Variants in SLC35F4 observed in about 807,000 individuals in gnomAD.
SLC35F4 encodes solute carrier family 35 member F4, also known as chromosome 14 open reading frame 36.
Under a neutral mutation model 44.2 loss-of-function variants are expected in SLC35F4, and 24 were observed. The observed-to-expected ratio is 0.54, with a 90% CI of 0.39 to 0.76. The LOEUF is 0.76. Among genes scored for constraint, SLC35F4 ranks in the 30% least tolerant of loss-of-function variants. SLC35F4 has a pLI of 0.00. For missense variants in SLC35F4, 562 were observed against 586.1 expected (o/e 0.96, Z 0.42); for synonymous variants, 238 against 223.6 (o/e 1.06, Z -0.57).
chr14:57,720,759 C>A (rs889820932), intron 1 of SLC35F4, among the ~76,000 whole-genome samples: 5 of 152,034 alleles, frequency 3.3e-5, no homozygotes, highest in Middle Eastern at 3.4e-3. Flanking sequence ...ATCTAATCAG[C>A]CGCCAGCATG....
chr14:57,575,478 C>G (rs1034703425), intron 4 of SLC35F4, among the ~76,000 whole-genome samples: 1 of 151,922 alleles, frequency 6.6e-6, no homozygotes, highest in Non-Finnish European at 1.5e-5. Context: ...TAGACCCTGT[C>G]TCAAAAACAA....
intron 1 of SLC35F4, among the ~76,000 whole-genome samples, chr14:57,705,999 C>A (rs941978335): frequency 6.6e-6 from 1 of 152,062 alleles, no homozygotes; most frequent in East Asian, 1.9e-4. Flanking sequence ...AAGAAGGCAC[C>A]TTTAACTAAA....
intron 1 of SLC35F4, among the ~76,000 whole-genome samples, chr14:57,799,867 A>T (rs1158300713): frequency 3.9e-5 from 6 of 152,058 alleles, no homozygotes; most frequent in Non-Finnish European, 8.8e-5. Context: ...TCTCCCTGAG[A>T]TGGAGCTCTG....
chr14:57,703,626 T>A (rs1238214579), intron 1 of SLC35F4, among the ~76,000 whole-genome samples: 1 of 152,184 alleles, frequency 6.6e-6, no homozygotes, highest in African/African-American at 2.4e-5. Flanking sequence ...TACAGCAACC[T>A]CATCCTTAAG....
chr14:57,729,253 G>T (rs1332958620), intron 1 of SLC35F4, among the ~76,000 whole-genome samples: 2 of 152,042 alleles, frequency 1.3e-5, no homozygotes, highest in Non-Finnish European at 2.9e-5. Flanking sequence ...CTGGTATTTG[G>T]AGTACAAGAC....
intron 1 of SLC35F4, among the ~76,000 whole-genome samples, chr14:57,690,729 T>C (rs1313396511): frequency 1.3e-5 from 2 of 151,824 alleles, no homozygotes; most frequent in Non-Finnish European, 2.9e-5. Flanking sequence ...TGGGAGACAC[T>C]GACAGATCAG....
intron 1 of SLC35F4, among the ~76,000 whole-genome samples, chr14:57,750,961 A>T (rs944244477): frequency 6.6e-6 from 1 of 152,168 alleles, no homozygotes; most frequent in African/African-American, 2.4e-5. Flanking sequence ...TCAGAATCTG[A>T]CATCCCTTGT....
intron 1 of SLC35F4, among the ~76,000 whole-genome samples, chr14:57,659,374 G>A (rs2074066483): frequency 6.6e-6 from 1 of 152,148 alleles, no homozygotes; most frequent in Non-Finnish European, 1.5e-5. Flanking sequence ...TGGCCCTGAG[G>A]TCTCAGCAGT....
chr14:57,850,088 C>G (rs1045576898), intron 1 of SLC35F4, among the ~76,000 whole-genome samples: 3 of 152,150 alleles, frequency 2.0e-5, no homozygotes, highest in African/African-American at 7.2e-5. Flanking sequence ...CAGCAAACAA[C>G]CAGATATCTC....
intron 1 of SLC35F4, among the ~76,000 whole-genome samples, chr14:57,933,039 CTTTT>C (rs565156783): frequency 7.3e-6 from 1 of 137,498 alleles, no homozygotes; most frequent in South Asian, 2.4e-4. Flanking sequence ...CTCCTATTTA[CTTTT>C]TTTTTTTTTT....
chr14:57,727,928 G>T (rs1052334754), intron 1 of SLC35F4, among the ~76,000 whole-genome samples: 1 of 152,174 alleles, frequency 6.6e-6, no homozygotes, highest in Non-Finnish European at 1.5e-5. Flanking sequence ...TAAGTCCAAT[G>T]TTTCTTGGTT....
At chr14:57,882,308 A>T (rs55730404) in intron 1 of SLC35F4, among the ~76,000 whole-genome samples, 12,533 of 152,170 alleles carry the variant, frequency 0.082, 746 homozygotes, top group African/African-American at 0.17. Context: ...CATTTTCAGA[A>T]TCCAGGTGAA....
intron 1 of SLC35F4, among the ~76,000 whole-genome samples, chr14:57,778,116 T>C (rs187681030): frequency 3.9e-5 from 6 of 152,270 alleles, no homozygotes; most frequent in Non-Finnish European, 7.4e-5. Context: ...CTGATGGTTT[T>C]TAAAAAAAGG....
intron 1 of SLC35F4, among the ~76,000 whole-genome samples, chr14:57,621,850 C>A (rs1232128296): frequency 6.7e-6 from 1 of 148,624 alleles, no homozygotes; most frequent in Non-Finnish European, 1.5e-5. Context: ...TCCTGCACAG[C>A]AAAAGAAACT....
chr14:57,945,840 T>C (rs1890016366), intron 1 of SLC35F4, among the ~76,000 whole-genome samples: 1 of 152,208 alleles, frequency 6.6e-6, no homozygotes, highest in South Asian at 2.1e-4. Context: ...TGGAATCGCA[T>C]TGTGGTTTTC....
chr14:57,898,279 C>T (rs1017710980), intron 1 of SLC35F4, among the ~76,000 whole-genome samples: 1 of 152,208 alleles, frequency 6.6e-6, no homozygotes, highest in Admixed American at 6.5e-5. Flanking sequence ...TACATCTCTG[C>T]ATTTTCTGTT....
chr14:57,688,226 G>A (rs1296743109), intron 1 of SLC35F4, among the ~76,000 whole-genome samples: 2 of 152,042 alleles, frequency 1.3e-5, no homozygotes, highest in Non-Finnish European at 2.9e-5. Context: ...CAGAGACTGA[G>A]AGATAGAGGA....
At chr14:57,907,148 G>A (rs59794215) in intron 1 of SLC35F4, among the ~76,000 whole-genome samples, 8,405 of 152,194 alleles carry the variant, frequency 0.055, 667 homozygotes, top group African/African-American at 0.17. Context: ...GGGCAGTGGT[G>A]CAATCATAGC....
At chr14:57,576,659 A>G (rs982827029) in intron 4 of SLC35F4, among the ~76,000 whole-genome samples, 2 of 152,032 alleles carry the variant, frequency 1.3e-5, no homozygotes, top group Non-Finnish European at 2.9e-5. Flanking sequence ...GTGGCAATCT[A>G]TAGCTGTCCA....
Sources: gnomAD v4.1 joint callset for allele counts (sites outside exome capture counted in the v4.1 genomes callset) on GRCh38, gnomAD v4.1.1 for gene constraint, MANE v1.5 for transcripts, NCBI Gene and HGNC (gene_info 2026-07-23, HGNC 2026-07-21) for gene names.